MYO1D: variants seen among roughly 807,000 people sequenced by gnomAD.
The protein encoded by MYO1D is unconventional myosin-Id.
Under a neutral mutation model 122.0 loss-of-function variants are expected in MYO1D, and 83 were observed. The observed-to-expected ratio is 0.68, with a 90% CI of 0.57 to 0.82. MYO1D has a LOEUF of 0.82. Among genes scored for constraint, MYO1D ranks in the 40% least tolerant of loss-of-function variants. The pLI is 0.00. For synonymous variants in MYO1D, 464 were observed against 446.9 expected (o/e 1.04, Z -0.48); for missense variants, 1,157 against 1,269.5 (o/e 0.91, Z 1.35).
intron 1 of MYO1D, among the ~76,000 whole-genome samples, chr17:32,803,362 G>A (rs1415372933): frequency 1.3e-5 from 2 of 152,066 alleles, no homozygotes; most frequent in African/African-American, 4.8e-5. Flanking sequence ...TAGCCAGGAT[G>A]GTCTCGATCT....
chr17:32,513,265 A>T (rs1419028486), intron 21 of MYO1D, among the ~76,000 whole-genome samples: 15 of 152,204 alleles, frequency 9.9e-5, no homozygotes, highest in Non-Finnish European at 1.5e-5. Context: ...CCAATTAGGA[A>T]ACTGTAAGTC....
At chr17:32,606,238 T>A (rs778541974) in intron 20 of MYO1D, among the ~76,000 whole-genome samples, 1 of 152,210 alleles carries the variant, frequency 6.6e-6, no homozygotes, top group African/African-American at 2.4e-5. Flanking sequence ...AAAATTCTAG[T>A]CCCAGATGAT....
At chr17:32,770,542 G>T (rs983688904) in intron 6 of MYO1D, among the ~76,000 whole-genome samples, 2 of 151,840 alleles carry the variant, frequency 1.3e-5, no homozygotes, top group African/African-American at 4.8e-5. Flanking sequence ...ATTACTAGAT[G>T]AACTAGAAAT....
At chr17:32,538,631 TA>T (rs1567881726) in intron 21 of MYO1D, among the ~76,000 whole-genome samples, 2 of 151,884 alleles carry the variant, frequency 1.3e-5, no homozygotes, top group Non-Finnish European at 1.5e-5. Flanking sequence ...CAAAGGTCAA[TA>T]GATGATGTCC....
At chr17:32,858,009 G>T (rs1036272205) in intron 1 of MYO1D, among the ~76,000 whole-genome samples, 3 of 152,122 alleles carry the variant, frequency 2.0e-5, no homozygotes, top group African/African-American at 7.2e-5. Flanking sequence ...AATGTTAATT[G>T]TTAATTTGTA....
intron 1 of MYO1D, among the ~76,000 whole-genome samples, chr17:32,864,320 C>T (rs2091105622): frequency 6.6e-6 from 1 of 151,698 alleles, no homozygotes; most frequent in African/African-American, 2.4e-5. Context: ...TCTAAACAAG[C>T]TTAGTCCCTA....
intron 1 of MYO1D, among the ~76,000 whole-genome samples, chr17:32,874,513 C>A (rs1339383162): frequency 1.3e-5 from 2 of 152,170 alleles, no homozygotes; most frequent in Non-Finnish European, 2.9e-5. Context: ...GAAAATTCCA[C>A]CTTTCTCCAG....
chr17:32,816,497 C>G (rs1397768102), intron 1 of MYO1D, among the ~76,000 whole-genome samples: 1 of 152,204 alleles, frequency 6.6e-6, no homozygotes, highest in Non-Finnish European at 1.5e-5. Flanking sequence ...TTTGGTTTCT[C>G]TCCACCTGAT....
chr17:32,602,636 T>C (rs2087575486), intron 21 of MYO1D: 1 of 152,236 alleles, frequency 6.6e-6, no homozygotes, highest in Non-Finnish European at 1.5e-5. Flanking sequence ...CTGTTCCCTC[T>C]GGTCCTCTTA....
At chr17:32,843,434 A>G (rs575484109) in intron 1 of MYO1D, among the ~76,000 whole-genome samples, 1 of 152,368 alleles carries the variant, frequency 6.6e-6, no homozygotes, top group Non-Finnish European at 1.5e-5. Flanking sequence ...TCAAAGCTGC[A>G]CAATAACCTG....
intron 10 of MYO1D, chr17:32,759,814 C>A: frequency 2.8e-6 from 1 of 354,662 alleles, no homozygotes; most frequent in Non-Finnish European, 5.1e-6. Context: ...CAAGAAAATG[C>A]AAAGTAAAAC....
chr17:32,695,866 T>G (rs771668207), intron 16 of MYO1D, among the ~76,000 whole-genome samples: 3 of 152,250 alleles, frequency 2.0e-5, no homozygotes, highest in Non-Finnish European at 2.9e-5. Context: ...ATTTGCAATC[T>G]GGGGTATATA....
intron 21 of MYO1D, among the ~76,000 whole-genome samples, chr17:32,571,477 G>C (rs2087227144): frequency 1.3e-5 from 2 of 152,180 alleles, no homozygotes; most frequent in African/African-American, 4.8e-5. Flanking sequence ...ATATGGCCTA[G>C]AAAAACTGTA....
intron 16 of MYO1D, among the ~76,000 whole-genome samples, chr17:32,678,421 A>G (rs1297453843): frequency 1.6e-5 from 1 of 64,036 alleles, no homozygotes; most frequent in South Asian, 5.7e-4. Flanking sequence ...CCCCCACTCC[A>G]CCACAGTCCC....
chr17:32,764,203 T>C (rs564609763), intron 8 of MYO1D, among the ~76,000 whole-genome samples: 56 of 152,262 alleles, frequency 3.7e-4, no homozygotes, highest in Non-Finnish European at 5.6e-4. Flanking sequence ...CTCACCTATA[T>C]GCAATCTGAA....
At chr17:32,851,009 A>G (rs896624765) in intron 1 of MYO1D, among the ~76,000 whole-genome samples, 68 of 152,276 alleles carry the variant, frequency 4.5e-4, no homozygotes, top group African/African-American at 1.6e-3. Flanking sequence ...AACAACAACA[A>G]CAACAACAAC....
intron 1 of MYO1D, among the ~76,000 whole-genome samples, chr17:32,782,020 T>C (rs1424761230): frequency 2.0e-5 from 3 of 152,154 alleles, no homozygotes. Context: ...ACAGGCAAAA[T>C]GCTGGTTCAC....
chr17:32,571,854 G>C (rs1363425720), intron 21 of MYO1D, among the ~76,000 whole-genome samples: 3 of 152,118 alleles, frequency 2.0e-5, no homozygotes, highest in African/African-American at 4.8e-5. Flanking sequence ...AAAAGCAACA[G>C]TCCCTTAACC....
At chr17:32,694,731 A>AAT (rs1340247733) in intron 16 of MYO1D, among the ~76,000 whole-genome samples, 2 of 151,586 alleles carry the variant, frequency 1.3e-5, no homozygotes, top group Non-Finnish European at 2.9e-5. Context: ...AAAAAAAAAA[A>AAT]AAATTTGCTA....
Sources: allele counts gnomAD v4.1 joint callset (sites outside exome capture counted in the v4.1 genomes callset), GRCh38; gene constraint gnomAD v4.1.1; transcripts MANE v1.5; gene names NCBI Gene and HGNC (gene_info 2026-07-23, HGNC 2026-07-21).